The following KIAA0753 variants were observed in gnomAD, a reference collection of about 807,000 sequenced individuals.
KIAA0753 encodes protein moonraker.
KIAA0753 carries 114 observed loss-of-function variants against 116.9 expected under a neutral mutation model. That is an observed-to-expected ratio of 0.98 (90% confidence interval 0.84 to 1.14). KIAA0753 has a LOEUF of 1.14. Ranked by LOEUF, KIAA0753 falls within the 50% of genes most tolerant of loss-of-function variation. The probability of loss-of-function intolerance (pLI) is 0.00; values close to 1 mark genes in which losing one functional copy is unlikely to be tolerated. For synonymous variants in KIAA0753, 405 were observed against 413.1 expected (o/e 0.98, Z 0.24); for missense variants, 1,156 against 1,172.4 (o/e 0.99, Z 0.20).
intron 7 of KIAA0753, 42 bp downstream of exon 7, chr17:6,620,746 A>G (rs944483079): frequency 6.3e-7 from 1 of 1,582,678 alleles, no homozygotes; most frequent in Non-Finnish European, 8.7e-7. Flanking sequence ...AGATAATTGT[A>G]ATGAATAAAA....
At chr17:6,580,664 G>C (rs1597444564) in intron 18 of KIAA0753, among the ~76,000 whole-genome samples, 1 of 152,142 alleles carries the variant, frequency 6.6e-6, no homozygotes, top group South Asian at 2.1e-4. Flanking sequence ...TGCTCTCCTA[G>C]ACAGAAGGAT....
At chr17:6,598,938 G>A (rs545745563) in intron 14 of KIAA0753, among the ~76,000 whole-genome samples, 12 of 152,282 alleles carry the variant, frequency 7.9e-5, no homozygotes, top group Non-Finnish European at 1.2e-4. Flanking sequence ...TTCTTCTGCC[G>A]CAGGCCACCA....
intron 13 of KIAA0753, 47 bp downstream of exon 13, chr17:6,600,333 C>T (rs1475013839): frequency 1.4e-6 from 2 of 1,439,556 alleles, no homozygotes; most frequent in Admixed American, 1.7e-5. Context: ...CATTTTAAAT[C>T]CAGGACTTCC....
At chr17:6,582,016 G>A (rs1968214376) in intron 18 of KIAA0753, among the ~76,000 whole-genome samples, 2 of 152,128 alleles carry the variant, frequency 1.3e-5, no homozygotes, top group African/African-American at 2.4e-5. Context: ...CACTGCTACT[G>A]GCACCTCTGC....
At chr17:6,631,307 T>C (rs967529981) in intron 2 of KIAA0753, among the ~76,000 whole-genome samples, 1 of 152,244 alleles carries the variant, frequency 6.6e-6, no homozygotes, top group African/African-American at 2.4e-5. Flanking sequence ...TAAAGACAGA[T>C]GTACTCTAAA....
chr17:6,592,822 A>T (rs1690089594), intron 16 of KIAA0753, among the ~76,000 whole-genome samples: 1 of 152,196 alleles, frequency 6.6e-6, no homozygotes. Flanking sequence ...ACTTTATCAA[A>T]ATTAAAAATG....
intron 7 of KIAA0753, 100 bp downstream of exon 7, chr17:6,620,688 A>AG (rs1290979319): frequency 2.8e-5 from 31 of 1,119,902 alleles, no homozygotes; most frequent in Non-Finnish European, 4.2e-5. Context: ...GTTGTGGGCT[A>AG]GGTCCTAAAT....
intron 18 of KIAA0753, among the ~76,000 whole-genome samples, chr17:6,586,055 T>C (rs1279235407): frequency 7.6e-6 from 1 of 132,326 alleles, no homozygotes; most frequent in Non-Finnish European, 1.5e-5. Flanking sequence ...CCCTCATGCT[T>C]TGGTGCTGTC....
At chr17:6,636,461 A>G (rs750436696) in intron 1 of KIAA0753, 3 of 152,198 alleles carry the variant, frequency 2.0e-5, no homozygotes, top group African/African-American at 7.3e-5. Context: ...GAAAAAAACT[A>G]GGTGATCCCC....
chr17:6,594,595 G>A (rs1312388387), intron 16 of KIAA0753, among the ~76,000 whole-genome samples: 1 of 152,130 alleles, frequency 6.6e-6, no homozygotes, highest in Non-Finnish European at 1.5e-5. Context: ...TGTCTTGATA[G>A]GGGTTTGCAT....
chr17:6,605,324 C>A (rs989258195), intron 12 of KIAA0753, among the ~76,000 whole-genome samples: 2 of 152,228 alleles, frequency 1.3e-5, no homozygotes, highest in African/African-American at 4.8e-5. Flanking sequence ...AGAAGCCGTG[C>A]ATTACAGCGC....
chr17:6,605,971 G>C (rs2150813200), intron 12 of KIAA0753, among the ~76,000 whole-genome samples: 1 of 152,248 alleles, frequency 6.6e-6, no homozygotes, highest in Middle Eastern at 3.4e-3. Context: ...GAGTCACAGA[G>C]AACCAAACTT....
chr17:6,620,167 G>A (rs560642314), intron 7 of KIAA0753, among the ~76,000 whole-genome samples: 1 of 152,190 alleles, frequency 6.6e-6, no homozygotes, highest in East Asian at 1.9e-4. Context: ...ACCCTCACCA[G>A]GAATCAGAAA....
chr17:6,607,322 G>T, intron 10 of KIAA0753, 52 bp from the exon 11 acceptor site: 2 of 1,431,932 alleles, frequency 1.4e-6, no homozygotes, highest in Non-Finnish European at 2.0e-6. Flanking sequence ...ACTGCAGGGT[G>T]TCATCATCAC....
intron 18 of KIAA0753, among the ~76,000 whole-genome samples, chr17:6,580,174 A>C (rs377452839): frequency 3.3e-5 from 5 of 151,790 alleles, no homozygotes; most frequent in Admixed American, 6.6e-5. Context: ...CAACAGAGTG[A>C]GATTCCGTCT....
chr17:6,585,723 T>G (rs928237008), intron 18 of KIAA0753, among the ~76,000 whole-genome samples: 4 of 152,236 alleles, frequency 2.6e-5, no homozygotes, highest in African/African-American at 9.6e-5. Flanking sequence ...TCTTGTTTCA[T>G]GATATAACAG....
At chr17:6,638,474 G>T in intron 1 of KIAA0753, 1 of 154,008 alleles carries the variant, frequency 6.5e-6, no homozygotes, top group Non-Finnish European at 1.4e-5. Context: ...GCTGCCCTGG[G>T]TATGCCCACC....
intron 2 of KIAA0753, 87 bp from the exon 3 acceptor site, chr17:6,628,828 T>C: frequency 1.8e-5 from 24 of 1,370,232 alleles, no homozygotes; most frequent in Non-Finnish European, 2.3e-5. Flanking sequence ...TTTCTAAAAT[T>C]TTGCCACCAG....
At chr17:6,630,173 C>T (rs1272902815) in intron 2 of KIAA0753, among the ~76,000 whole-genome samples, 1 of 151,476 alleles carries the variant, frequency 6.6e-6, no homozygotes, top group African/African-American at 2.4e-5. Flanking sequence ...AAGATCAAAA[C>T]TGAATAAAAA....
Sources: allele counts gnomAD v4.1 joint callset (sites outside exome capture counted in the v4.1 genomes callset), GRCh38; gene constraint gnomAD v4.1.1; transcripts MANE v1.5; gene names NCBI Gene and HGNC (gene_info 2026-07-23, HGNC 2026-07-21).